Variants in OPTC observed in about 807,000 individuals in gnomAD.
OPTC encodes oculoglycan.
OPTC carries 22 observed loss-of-function variants against 25.4 expected under a neutral mutation model. That is an observed-to-expected ratio of 0.87 (90% confidence interval 0.62 to 1.24). The LOEUF is 1.24. OPTC is among the 50% of genes most tolerant of loss of function. OPTC has a pLI of 0.00. For synonymous variants in OPTC, 169 were observed against 179.3 expected (o/e 0.94, Z 0.46); for missense variants, 417 against 425.2 (o/e 0.98, Z 0.17).
chr1:203,498,866 G>C, intron 4 of OPTC, 27 bp downstream of exon 4: 1 of 1,612,836 alleles, frequency 6.2e-7, no homozygotes, highest in African/African-American at 1.3e-5. Flanking sequence ...GAAAAGAGGA[G>C]TGGGGGCAGG....
In OPTC at chr1:203,502,922, G is replaced by A. The variant is rs1402089249; in HGVS notation, c.741G>A (p.Glu247=). 6.2e-7 allele frequency: 1 copy of A among 1,613,826 alleles called. No individual in the cohort carries two copies. Among genetic ancestry groups the A allele is most frequent in the Non-Finnish European group, 8.5e-7 (1 of 1,179,926 alleles). The change falls in exon 6 of 8, where the codon GAG becomes GAA. Residue 247 remains glutamate (E), a synonymous_variant. Coordinates refer to ENST00000367222, the MANE Select transcript of OPTC (RefSeq NM_014359.4). ...CTTTGCTTTCTCCACAGGCAATGGA[G>A]AAGCTGCAGTTCCTTTACCTGTCAG... ...GIQPAAFRAM[E]KLQFLYLSDN...
rs966580188 is a variant in OPTC, at chr1:203,504,178, A to G, written c.*25+433A>G. Among the ~76,000 whole-genome samples the G allele has an allele frequency of 6.6e-5, 10 of 152,354 alleles. No homozygotes were observed. The East Asian group carries it at 7.7e-4, about 12-fold the overall frequency. ...ATTACTAAATTTTCCAGAATTTTGC[A>G]AGTCAGTTGTTAAACACAGCCATTA... On this transcript the variant is annotated intron_variant, in intron 7 of 7. Transcript: ENST00000367222.
intron 6 of OPTC, among the ~76,000 whole-genome samples, 174 bp from the exon 7 acceptor site, chr1:203,503,375 TC>T (rs924558279): frequency 1.3e-5 from 2 of 151,876 alleles, no homozygotes; most frequent in Non-Finnish European, 2.9e-5. Flanking sequence ...TCTCCATCCA[TC>T]CCCCCTGGGG....
intron 5 of OPTC, among the ~76,000 whole-genome samples, chr1:203,501,695 A>C (rs6700548): frequency 0.57 from 86,020 of 152,030 alleles, 24,912 homozygotes; most frequent in East Asian, 0.8. Context: ...CTCCCCAGTG[A>C]CTTCCACCCT....
intron 7 of OPTC, among the ~76,000 whole-genome samples, chr1:203,505,934 G>GTCTC (rs1041852822): frequency 2.1e-5 from 3 of 141,934 alleles, no homozygotes; most frequent in African/African-American, 7.8e-5. Context: ...CTCTGTGTGT[G>GTCTC]TCTCTCTCTC....
chr1:203,502,715 C>T (rs571482233), intron 5 of OPTC, among the ~76,000 whole-genome samples, 199 bp from the exon 6 acceptor site: 2 of 152,324 alleles, frequency 1.3e-5, no homozygotes, highest in African/African-American at 4.8e-5. Flanking sequence ...CTCCTGCATC[C>T]AGTTGGAGTT....
In OPTC at chr1:203,495,957, C is replaced by A; in HGVS notation, c.-41-8C>A. 7.2e-7 allele frequency: 1 copy of A among 1,383,256 alleles called. No individual in the cohort carries two copies. The highest frequency in any genetic ancestry group is 1.8e-4 in the Middle Eastern group (1 of 5,626). 85.7% of individuals were successfully genotyped at this position (1,383,256 alleles called of 1,614,324 possible). ...AGATCGCTGCCCTTCCTCGTGCCCACTTGCCAGGACCAGCCGCTGAAGGGA... is the reference window on the plus strand; with the variant it reads ...AGATCGCTGCCCTTCCTCGTGCCCAATTGCCAGGACCAGCCGCTGAAGGGA... On this transcript the variant is annotated splice_region_variant and splice_polypyrimidine_tract_variant and intron_variant, in intron 1 of 7. Transcript: ENST00000367222.
chr1:203,503,746 G>A lies in OPTC; in HGVS notation c.*25+1G>A. Reference sequence around the variant, plus strand: ...CTCGGAGCCCTTCCACTCCTCCCAGGTAAGAACCCTCCAAGGACCATGCAG... The same window carrying A: ...CTCGGAGCCCTTCCACTCCTCCCAGATAAGAACCCTCCAAGGACCATGCAG... On this transcript the variant is annotated splice_donor_variant, in intron 7 of 7. Transcript: ENST00000367222. LOFTEE classifies it low-confidence loss of function (3UTR_SPLICE). The A allele has an allele frequency of 6.3e-7, 1 of 1,599,354 alleles. No homozygotes were observed. The highest frequency in any genetic ancestry group is 8.5e-7 in the Non-Finnish European group (1 of 1,179,626).
intron 3 of OPTC, 132 bp downstream of exon 3, chr1:203,497,247 AG>A: frequency 1.1e-6 from 1 of 878,222 alleles, no homozygotes; most frequent in Non-Finnish European, 1.8e-6. Context: ...CCTTACTAGC[AG>A]GGAGAGAAGG....
At chr1:203,495,939 T>G in intron 1 of OPTC, 26 bp from the exon 2 acceptor site, 5 of 1,076,800 alleles carry the variant, frequency 4.6e-6, no homozygotes, top group Non-Finnish European at 7.0e-6. Context: ...CTCAGATCGC[T>G]GCCCTTCCTC....
rs114751507 is a variant in OPTC at position 203,497,050 on chromosome 1, C to T, written c.305C>T (p.Ser102Leu). Reference protein sequence around the residue: ...AKSTTAPGTPSSNPTMTRPTT... With the variant: ...AKSTTAPGTPLSNPTMTRPTT... ...AGCACTACGGCTCCAGGGACACCCT[C>T]GTCAAACCCCACGATGACCAGACCT... is the stretch of plus-strand genomic sequence containing the variant. The change falls in exon 3 of 8, where the codon TCG becomes TTG. Residue 102 changes from serine (S) to leucine (L), a missense_variant. Transcript: ENST00000367222. 2.0e-5 allele frequency: 32 copies of T among 1,614,076 alleles called. No individual in the cohort carries two copies. Among genetic ancestry groups the T allele is most frequent in the African/African-American group, 1.6e-4 (12 of 75,026 alleles).
intron 6 of OPTC, 126 bp downstream of exon 6, chr1:203,503,135 G>A: frequency 2.7e-6 from 2 of 742,000 alleles, no homozygotes; most frequent in Non-Finnish European, 4.7e-6. Flanking sequence ...TGATTGGAGG[G>A]TTTATTGGAG....
At chr1:203,496,953 G>T (rs528474569) in intron 2 of OPTC, 24 bp from the exon 3 acceptor site, 5 of 1,613,932 alleles carry the variant, frequency 3.1e-6, no homozygotes, top group Admixed American at 3.3e-5. Context: ...CTGGGCTACT[G>T]TGTACTCTGT....
At chr1:203,504,152 G>A (rs1035316662) in intron 7 of OPTC, among the ~76,000 whole-genome samples, 2 of 152,094 alleles carry the variant, frequency 1.3e-5, no homozygotes, top group Non-Finnish European at 2.9e-5. Context: ...TGCAGGAACC[G>A]ATTACTAAAT....
chr1:203,495,904 C>T (rs558599572), intron 1 of OPTC, 61 bp from the exon 2 acceptor site: 51 of 800,710 alleles, frequency 6.4e-5, no homozygotes, highest in Non-Finnish European at 1.0e-4. Flanking sequence ...CGAGCCATTC[C>T]CACAACACTC....
At chr1:203,497,276 G>A (rs1271251013) in intron 3 of OPTC, among the ~76,000 whole-genome samples, 161 bp downstream of exon 3, 1 of 152,164 alleles carries the variant, frequency 6.6e-6, no homozygotes, top group African/African-American at 2.4e-5. Context: ...GCCACAGTAA[G>A]AACAGGAAAA....
chr1:203,494,495 G>A (rs1160042288), intron 1 of OPTC, among the ~76,000 whole-genome samples: 2 of 151,976 alleles, frequency 1.3e-5, no homozygotes, highest in South Asian at 2.1e-4. Context: ...GAAAGGGTGG[G>A]GAGGTTAACT....
In OPTC at chr1:203,499,695, C is replaced by G. The variant is rs185414938; in HGVS notation, c.576C>G (p.Ile192Met). 6.2e-7 allele frequency: 1 copy of G among 1,613,584 alleles called. No homozygotes were observed. The highest frequency in any genetic ancestry group is 8.5e-7 in the Non-Finnish European group (1 of 1,179,924). The change falls in exon 5 of 8, where the codon ATC (isoleucine) becomes ATG (methionine). Residue 192 changes from isoleucine (I) to methionine (M), a missense_variant. By Grantham distance (10) the Ile-to-Met change is conservative (BLOSUM62 1). Transcript: ENST00000367222. ...IDLSNNLISS[I>M]DNDAFRLLHA... The stretch of plus-strand genomic sequence containing the variant: ...TCTCCAACAACCTCATTTCCTCCAT[C>G]GATAATGATGCCTTCCGCCTGCTAC...
intron 5 of OPTC, 36 bp from the exon 6 acceptor site, chr1:203,502,878 C>T (rs1661412711): frequency 6.5e-7 from 1 of 1,550,190 alleles, no homozygotes; most frequent in Non-Finnish European, 8.9e-7. Flanking sequence ...TCCAACAGGA[C>T]CCACCAGCCT....
Sources: gnomAD v4.1 joint callset for allele counts (sites outside exome capture counted in the v4.1 genomes callset) on GRCh38, gnomAD v4.1.1 for gene constraint, MANE v1.5 for transcripts, NCBI Gene and HGNC (gene_info 2026-07-23, HGNC 2026-07-21) for gene names.